SLC51B: variants seen among roughly 807,000 people sequenced by gnomAD.
The protein encoded by SLC51B is SLC51 subunit beta.
Under a neutral mutation model 8.0 loss-of-function variants are expected in SLC51B, and 6 were observed. That is an observed-to-expected ratio of 0.75 (90% CI 0.41 to 1.48). SLC51B has a LOEUF of 1.48. SLC51B is among the 40% of genes most tolerant of loss of function. The pLI is 0.01. For missense variants in SLC51B, 150 were observed against 149.7 expected (o/e 1.00, Z -0.01); for synonymous variants, 61 against 54.8 (o/e 1.11, Z -0.50).
intron 3 of SLC51B, among the ~76,000 whole-genome samples, chr15:65,051,877 G>T (rs993213416): frequency 5.9e-5 from 9 of 152,188 alleles, no homozygotes; most frequent in African/African-American, 2.2e-4. Context: ...CAGAAGGCGA[G>T]CTTGCCCCTC....
chr15:65,051,767 AAAACAAAC>A (rs58082384), intron 3 of SLC51B, among the ~76,000 whole-genome samples, 162 bp downstream of exon 3: 5 of 150,374 alleles, frequency 3.3e-5, no homozygotes, highest in Admixed American at 6.6e-5. Context: ...CAAGCTGTTA[AAAACAAAC>A]AAACAAACAA....
intron 1 of SLC51B, among the ~76,000 whole-genome samples, chr15:65,047,514 G>A (rs1000781291): frequency 2.4e-4 from 37 of 152,282 alleles, no homozygotes; most frequent in Admixed American, 1.6e-3. Flanking sequence ...CCACACCCTA[G>A]AAGAAGACTG....
At position 65,053,146 on chromosome 15, in the gene SLC51B, A is replaced by G. The variant is rs767187250; in HGVS notation, c.369A>G (p.Val123=). The change falls in exon 4 of 4, where the codon GTA becomes GTG. Residue 123 remains valine (V), a synonymous_variant. Coordinates refer to ENST00000334287, the MANE Select transcript of SLC51B (RefSeq NM_178859.4). ...TGCTGTCAGTTTTCCTTCCGGATGT[A>G]CCAGAAACTGAGAGCTAGTGAGGGT... ...RDVLSVFLPD[V]PETES 6.2e-7 allele frequency: 1 copy of G among 1,614,036 alleles called. No homozygotes were observed. Among genetic ancestry groups the G allele is most frequent in the East Asian group, 2.2e-5 (1 of 44,874 alleles).
intron 1 of SLC51B, 95 bp from the exon 2 acceptor site, chr15:65,049,802 C>A: frequency 3.1e-4 from 120 of 381,384 alleles, no homozygotes; most frequent in Middle Eastern, 7.1e-4. Flanking sequence ...TCGTTTTTGT[C>A]CCATAACTTT....
chr15:65,049,789 G>A (rs2086625471), intron 1 of SLC51B, 108 bp from the exon 2 acceptor site: 1 of 420,624 alleles, frequency 2.4e-6, no homozygotes, highest in East Asian at 3.9e-5. Context: ...GGGTTCGTTC[G>A]GGTCGTTTTT....
Position 65,049,961 on chromosome 15 carries a change from A to AG in SLC51B, c.-40dup. ...GAGGCCAGGAGGGCTGCTGGGGCTA[A>AG]GGGGTCTAAGGACCTCGTTGCACAC... On this transcript the variant is annotated 5_prime_UTR_variant, in exon 2 of 4. Transcript: ENST00000334287. The AG allele has an allele frequency of 6.7e-7, 1 of 1,486,630 alleles. No individual in the cohort carries two copies. Among genetic ancestry groups the AG allele is most frequent in the South Asian group, 1.2e-5 (1 of 80,802 alleles). The allele number at this position is 1,486,630 out of a possible 1,614,324, so 92.1% of individuals were successfully genotyped here.
intron 1 of SLC51B, 23 bp from the exon 2 acceptor site, chr15:65,049,874 C>T (rs1218254717): frequency 1.7e-6 from 1 of 581,600 alleles, no homozygotes; most frequent in Non-Finnish European, 2.9e-6. Flanking sequence ...GATATCCAGT[C>T]ATGCTGTCTG....
intron 3 of SLC51B, 43 bp downstream of exon 3, chr15:65,051,648 TAGAGG>T: frequency 6.4e-7 from 1 of 1,570,648 alleles, no homozygotes. Flanking sequence ...CTCTGTGGGG[TAGAGG>T]CCCTGCCTTC....
intron 1 of SLC51B, among the ~76,000 whole-genome samples, chr15:65,046,823 G>A (rs1465644017): frequency 1.3e-5 from 2 of 151,706 alleles, no homozygotes; most frequent in African/African-American, 4.8e-5. Flanking sequence ...TGAGGTGAGA[G>A]GATCGCCTGT....
Position 65,051,683 on chromosome 15 carries a change from G to A in SLC51B, c.188+78G>A, listed in dbSNP as rs192771373. 18 of 1,417,858 alleles carry A rather than the reference G, an allele frequency of 1.3e-5. No individual in the cohort carries two copies. In the Admixed American group the frequency reaches 2.8e-4, roughly 22 times the overall value. The allele number at this position is 1,417,858 out of a possible 1,614,324, so 87.8% of individuals were successfully genotyped here. On this transcript the variant is annotated intron_variant, in intron 3 of 3. Coordinates refer to ENST00000334287, the MANE Select transcript of SLC51B (RefSeq NM_178859.4). ...GCCTTCCCAGAGGGAAATCTAGAGA[G>A]GGGTCACTTAGGGGTCATTGCTGTC... is the stretch of plus-strand genomic sequence containing the variant.
chr15:65,052,429 GTCTC>G (rs1262539599), intron 3 of SLC51B, among the ~76,000 whole-genome samples: 4 of 119,054 alleles, frequency 3.4e-5, no homozygotes, highest in African/African-American at 1.3e-4. Context: ...TTTTGAGACA[GTCTC>G]TCTATTGCCC....
intron 2 of SLC51B, 121 bp from the exon 3 acceptor site, chr15:65,051,394 G>T (rs1173789305): frequency 4.6e-6 from 4 of 869,404 alleles, no homozygotes; most frequent in Non-Finnish European, 7.5e-6. Flanking sequence ...CTTTGATTAG[G>T]GTCTCCACGC....
Position 65,053,139 on chromosome 15 carries a change from C to A in SLC51B, c.362C>A (p.Pro121Gln). 6.2e-7 allele frequency: 1 copy of A among 1,614,042 alleles called. No homozygotes were observed. Among genetic ancestry groups the A allele is most frequent in the Non-Finnish European group, 8.5e-7 (1 of 1,180,034 alleles). ...KERDVLSVFL[P>Q]DVPETES ...AGAGATGTGCTGTCAGTTTTCCTTC[C>A]GGATGTACCAGAAACTGAGAGCTAG... is the stretch of plus-strand genomic sequence containing the variant. The change falls in exon 4 of 4, where the codon CCG (proline) becomes CAG (glutamine). Residue 121 changes from proline to glutamine, a missense_variant. Transcript: ENST00000334287.
At position 65,050,019 on chromosome 15, in the gene SLC51B, G is replaced by A. The variant is rs2086628194; in HGVS notation, c.15G>A (p.Glu5=). Residue 5 remains glutamate, a synonymous_variant, in exon 2 of 4, where the codon GAG becomes GAA. Transcript: ENST00000334287. MEHS[E]GAPGDPAGTV... ...GGAGCAGGGGCATGGAGCACAGTGA[G>A]GGGGCTCCCGGAGACCCAGCCGGTA... 1.3e-6 allele frequency: 2 copies of A among 1,551,338 alleles called. No individual in the cohort carries two copies. Among genetic ancestry groups the A allele is most frequent in the Admixed American group, 2.0e-5 (1 of 50,968 alleles).
At chr15:65,050,833 C>CTTTTTTTTTTTTTTTTTTTTTTTTTTTTT (rs67418433) in intron 2 of SLC51B, among the ~76,000 whole-genome samples, 6 of 88,600 alleles carry the variant, frequency 6.8e-5, no homozygotes, top group East Asian at 3.8e-4. Context: ...TCTTCTTCTT[C>CTTTTTTTTTTTTTTTTTTTTTTTTTTTTT]TTCTTTTTTT....
rs72192523 is a variant in SLC51B at position 65,047,795 on chromosome 15, TGATAGATAGATAGATA to T, written c.-108-2075_-108-2060del. ...ATAGATAGACAGATAGATCGATAGA[TGATAGATAGATAGATA>T]GATAGATAGATAGATAGATAGATAG... On this transcript the variant is annotated intron_variant, in intron 1 of 3. Transcript: ENST00000334287. 2.3e-3 allele frequency among the ~76,000 whole-genome samples: 349 copies of T among 149,946 alleles called. 1 individual carries two copies. Among genetic ancestry groups the T allele is most frequent in the African/African-American group, 7.9e-3 (320 of 40,506 alleles).
In SLC51B at chr15:65,053,125, G is replaced by C. The variant is rs773438957; in HGVS notation, c.348G>C (p.Leu116=). Reference sequence around the variant, plus strand: ...TTGAGTTAAAAGAGAGAGATGTGCTGTCAGTTTTCCTTCCGGATGTACCAG... The same window carrying C: ...TTGAGTTAAAAGAGAGAGATGTGCTCTCAGTTTTCCTTCCGGATGTACCAG... The part of the protein sequence containing the change: ...VELELKERDV[L]SVFLPDVPET... Residue 116 remains leucine, a synonymous_variant, in exon 4 of 4, where the codon CTG becomes CTC. Transcript: ENST00000334287. 4 of 1,614,054 alleles carry C rather than the reference G, an allele frequency of 2.5e-6. No homozygotes were observed. Among genetic ancestry groups the C allele is most frequent in the Non-Finnish European group, 3.4e-6 (4 of 1,180,050 alleles).
Position 65,053,077 on chromosome 15 carries a change from G to A in SLC51B, c.300G>A (p.Lys100=). 1.2e-6 allele frequency: 2 copies of A among 1,614,160 alleles called. No homozygotes were observed. Among genetic ancestry groups the A allele is most frequent in the Non-Finnish European group, 8.5e-7 (1 of 1,180,042 alleles). ...NNLRETLLSE[K]PNLAQVELEL... ...TAAGAGAAACTTTGCTCTCAGAAAA[G>A]CCAAACTTGGCCCAGGTGGAACTTG... The change falls in exon 4 of 4, where the codon AAG becomes AAA. Residue 100 remains lysine (K), a synonymous_variant. Transcript: ENST00000334287.
At position 65,051,592 on chromosome 15, in the gene SLC51B, A is replaced by G. The variant is rs997163810; in HGVS notation, c.175A>G (p.Ile59Val). The G allele has an allele frequency of 6.2e-7, 1 of 1,613,298 alleles. No homozygotes were observed. Among genetic ancestry groups the G allele is most frequent in the Non-Finnish European group, 8.5e-7 (1 of 1,179,566 alleles). ...AAGCATGGTCCTCCTGGGAAGAAGC[A>G]TCCAGGCAAGCAGGTGAGGAGCTGG... ...IISMVLLGRSIQASRKEKMQP... is the reference protein window; with the variant it reads ...IISMVLLGRSVQASRKEKMQP... The change falls in exon 3 of 4, where the codon ATC becomes GTC. Residue 59 changes from isoleucine (I) to valine (V), a missense_variant. By Grantham distance (29) the Ile-to-Val change is conservative (BLOSUM62 3). Transcript: ENST00000334287.
Sources: allele counts gnomAD v4.1 joint callset (sites outside exome capture counted in the v4.1 genomes callset), GRCh38; gene constraint gnomAD v4.1.1; transcripts MANE v1.5; gene names NCBI Gene and HGNC (gene_info 2026-07-23, HGNC 2026-07-21).